The following CNTN5 variants were observed in gnomAD, a reference collection of about 807,000 sequenced individuals.
CNTN5 encodes contactin 5.
In CNTN5, 77 loss-of-function variants were observed where a neutral mutation model predicts 129.1. The observed-to-expected ratio is 0.60, with a 90% CI of 0.50 to 0.72. The LOEUF (loss-of-function observed/expected upper bound fraction) is 0.72. Ranked by LOEUF, CNTN5 falls within the 30% of genes least tolerant of loss-of-function variation. The pLI, the probability that CNTN5 is intolerant of heterozygous loss-of-function variation, is 0.00. For missense variants in CNTN5, 1,478 were observed against 1,328.8 expected, an observed-to-expected ratio of 1.11 and a Z score of -1.75; for synonymous variants, 509 against 465.6, an observed-to-expected ratio of 1.09 and a Z score of -1.20.
At chr11:99,233,877 C>T (rs999163538) in intron 1 of CNTN5, among the ~76,000 whole-genome samples, 21 of 152,086 alleles carry the variant, frequency 1.4e-4, no homozygotes, top group Middle Eastern at 3.4e-3. Flanking sequence ...ACCCGGAAGG[C>T]GGAGCTTGCA....
chr11:99,538,263 T>A (rs1420732051), intron 2 of CNTN5, among the ~76,000 whole-genome samples: 1 of 152,322 alleles, frequency 6.6e-6, no homozygotes, highest in African/African-American at 2.4e-5. Context: ...TATCAGGAAA[T>A]CTGTGAAAGA....
chr11:99,109,476 T>C (rs545952341), intron 1 of CNTN5, among the ~76,000 whole-genome samples: 133 of 152,216 alleles, frequency 8.7e-4, no homozygotes, highest in African/African-American at 3.2e-3. Flanking sequence ...GTAAGGGACT[T>C]TCCAAGGTCA....
chr11:99,925,291 G>C (rs560516643), intron 7 of CNTN5, among the ~76,000 whole-genome samples: 1 of 152,160 alleles, frequency 6.6e-6, no homozygotes, highest in Non-Finnish European at 1.5e-5. Context: ...CATAAAGTGA[G>C]TATTTGCAGA....
At chr11:100,143,273 T>C (rs1314030439) in intron 13 of CNTN5, among the ~76,000 whole-genome samples, 1 of 152,166 alleles carries the variant, frequency 6.6e-6, no homozygotes, top group African/African-American at 2.4e-5. Context: ...AAGGAAACAT[T>C]ACTTTCCTCT....
intron 6 of CNTN5, among the ~76,000 whole-genome samples, chr11:99,898,723 A>G (rs1949274414): frequency 6.6e-6 from 1 of 151,700 alleles, no homozygotes; most frequent in Admixed American, 6.6e-5. Context: ...TCATTTTACA[A>G]TTTCTGCTTT....
At chr11:99,884,631 C>T (rs935579900) in intron 6 of CNTN5, among the ~76,000 whole-genome samples, 1 of 152,152 alleles carries the variant, frequency 6.6e-6, no homozygotes, top group African/African-American at 2.4e-5. Flanking sequence ...ATGAAATCCA[C>T]AGTTAGACAC....
At chr11:99,530,109 A>T (rs941662068) in intron 2 of CNTN5, among the ~76,000 whole-genome samples, 1 of 152,164 alleles carries the variant, frequency 6.6e-6, no homozygotes, top group Non-Finnish European at 1.5e-5. Flanking sequence ...TAACCAAGCA[A>T]GCATTCAATT....
intron 16 of CNTN5, among the ~76,000 whole-genome samples, chr11:100,231,134 T>C (rs1482177058): frequency 6.6e-6 from 1 of 152,274 alleles, no homozygotes; most frequent in South Asian, 2.1e-4. Context: ...AATAAATGCT[T>C]TCTGATGCTA....
chr11:100,266,502 A>G (rs942359177), intron 17 of CNTN5, among the ~76,000 whole-genome samples: 18 of 152,152 alleles, frequency 1.2e-4, no homozygotes, highest in Admixed American at 1.0e-3. Flanking sequence ...CCCTAATTGT[A>G]TAAAAGAGAA....
intron 15 of CNTN5, among the ~76,000 whole-genome samples, chr11:100,221,646 A>G (rs1949268367): frequency 6.6e-6 from 1 of 152,166 alleles, no homozygotes; most frequent in East Asian, 1.9e-4. Context: ...TTTCTTAAAA[A>G]GCCTTCCTTT....
At chr11:100,143,449 G>T (rs549100977) in intron 13 of CNTN5, among the ~76,000 whole-genome samples, 1 of 152,122 alleles carries the variant, frequency 6.6e-6, no homozygotes, top group South Asian at 2.1e-4. Context: ...AATGAGACTC[G>T]CTGGGCAAAA....
intron 21 of CNTN5, chr11:100,336,861 G>T (rs1952047785): frequency 2.0e-6 from 1 of 491,922 alleles, no homozygotes; most frequent in African/African-American, 2.0e-5. Flanking sequence ...ATCTAGATGT[G>T]GAACAGTGGA....
intron 23 of CNTN5, among the ~76,000 whole-genome samples, chr11:100,347,532 G>T (rs893974299): frequency 2.0e-5 from 3 of 152,080 alleles, no homozygotes; most frequent in Non-Finnish European, 4.4e-5. Context: ...CATGTCACAT[G>T]CAGTATATAT....
At chr11:100,153,047 GT>G (rs910462875) in intron 13 of CNTN5, among the ~76,000 whole-genome samples, 1 of 152,000 alleles carries the variant, frequency 6.6e-6, no homozygotes, top group African/African-American at 2.4e-5. Context: ...ACAGAAAGAA[GT>G]AATAAAAATG....
At chr11:99,817,886 G>T (rs1412865341) in intron 3 of CNTN5, among the ~76,000 whole-genome samples, 1 of 152,048 alleles carries the variant, frequency 6.6e-6, no homozygotes, top group Non-Finnish European at 1.5e-5. Flanking sequence ...CATCAGACTT[G>T]TGGTTGACCA....
intron 7 of CNTN5, among the ~76,000 whole-genome samples, chr11:99,942,171 T>C (rs1475325564): frequency 6.6e-6 from 1 of 152,036 alleles, no homozygotes; most frequent in Non-Finnish European, 1.5e-5. Context: ...TTAAATAAGT[T>C]TATTTTTCAC....
intron 6 of CNTN5, among the ~76,000 whole-genome samples, chr11:99,885,560 T>G (rs1204872940): frequency 6.6e-6 from 1 of 152,188 alleles, no homozygotes; most frequent in African/African-American, 2.4e-5. Flanking sequence ...AAGGAAGGAT[T>G]AAAATTTTTA....
At chr11:99,565,725 G>A (rs1469951315) in intron 3 of CNTN5, among the ~76,000 whole-genome samples, 3 of 152,174 alleles carry the variant, frequency 2.0e-5, no homozygotes, top group Non-Finnish European at 4.4e-5. Flanking sequence ...ATATACGATT[G>A]TGAACCTGAT....
intron 13 of CNTN5, among the ~76,000 whole-genome samples, chr11:100,104,390 A>C (rs1945344242): frequency 6.6e-6 from 1 of 152,076 alleles, no homozygotes; most frequent in Non-Finnish European, 1.5e-5. Flanking sequence ...TGATAAGGTC[A>C]CTTTTTAAAA....
Sources: gnomAD v4.1 joint callset for allele counts (sites outside exome capture counted in the v4.1 genomes callset) on GRCh38, gnomAD v4.1.1 for gene constraint, MANE v1.5 for transcripts, NCBI Gene and HGNC (gene_info 2026-07-23, HGNC 2026-07-21) for gene names.